CMSS1: variants seen among roughly 807,000 people sequenced by gnomAD.
CMSS1 encodes protein CMSS1.
Under a neutral mutation model 43.5 loss-of-function variants are expected in CMSS1, and 33 were observed. The observed-to-expected ratio is 0.76, with a 90% confidence interval of 0.57 to 1.01. CMSS1 has a LOEUF of 1.01. Among genes scored for constraint, CMSS1 ranks in the 50% least tolerant of loss-of-function variants. The pLI, the probability that CMSS1 is intolerant of heterozygous loss-of-function variation, is 0.00. For missense variants in CMSS1, 313 were observed against 326.4 expected, an observed-to-expected ratio of 0.96 and a Z score of 0.32; for synonymous variants, 115 against 117.2, an observed-to-expected ratio of 0.98 and a Z score of 0.12.
intron 1 of CMSS1, among the ~76,000 whole-genome samples, chr3:99,891,678 C>T (rs1706087389): frequency 6.6e-6 from 1 of 152,090 alleles, no homozygotes. Flanking sequence ...TACCGAAAAT[C>T]AGCCTGAAAA....
In CMSS1 at chr3:99,908,128, A is replaced by G. The variant is rs80037618; in HGVS notation, c.64+90085A>G. Among the ~76,000 whole-genome samples the G allele has an allele frequency of 1.3e-4, 20 of 152,372 alleles. 1 individual carries two copies. The East Asian group carries it at 3.7e-3, about 28-fold the overall frequency. On this transcript the variant is annotated intron_variant, in intron 1 of 9. Transcript: ENST00000421999. ...TCTAACTCGGCAGTTCTGAATCAGC[A>G]GAATTTCTGTGCTGTATCACTTTCA...
chr3:100,088,766 G>A (rs1576042596), intron 1 of CMSS1, among the ~76,000 whole-genome samples: 1 of 150,958 alleles, frequency 6.6e-6, no homozygotes, highest in African/African-American at 2.4e-5. Flanking sequence ...TCATATTTTT[G>A]TCTCTCTTCT....
intron 1 of CMSS1, among the ~76,000 whole-genome samples, chr3:100,038,438 G>A (rs958810242): frequency 6.6e-6 from 1 of 151,878 alleles, no homozygotes; most frequent in African/African-American, 2.4e-5. Flanking sequence ...CCATTTTTTT[G>A]CTTATAGAGA....
intron 1 of CMSS1, among the ~76,000 whole-genome samples, chr3:99,827,487 C>A (rs915603238): frequency 2.0e-5 from 3 of 151,330 alleles, no homozygotes; most frequent in Non-Finnish European, 3.0e-5. Context: ...TCACCGCACC[C>A]GGCAAATGTA....
chr3:100,001,315 C>T (rs1041201868), intron 1 of CMSS1, among the ~76,000 whole-genome samples: 4 of 152,174 alleles, frequency 2.6e-5, no homozygotes, highest in South Asian at 4.1e-4. Context: ...TATTATCTAT[C>T]GCTGTTTCTG....
chr3:100,117,854 C>CATATATATATATATATATATATATACAT (rs2066587711), intron 1 of CMSS1, among the ~76,000 whole-genome samples: 3 of 90,746 alleles, frequency 3.3e-5, no homozygotes, highest in African/African-American at 4.9e-5. Flanking sequence ...TATATATATA[C>CATATATATATATATATATATATATACAT]ATATATATAT....
chr3:99,958,602 C>T (rs534804811), intron 1 of CMSS1, among the ~76,000 whole-genome samples: 8 of 152,114 alleles, frequency 5.3e-5, no homozygotes, highest in Admixed American at 1.3e-4. Flanking sequence ...AATTAGACAA[C>T]ATTTCAGAAT....
intron 1 of CMSS1, among the ~76,000 whole-genome samples, chr3:99,855,454 C>T (rs1943915506): frequency 6.6e-6 from 1 of 152,306 alleles, no homozygotes; most frequent in South Asian, 2.1e-4. Context: ...TGAGTCTGTA[C>T]ATCTGTCGGT....
intron 1 of CMSS1, among the ~76,000 whole-genome samples, chr3:100,010,794 T>G (rs953551420): frequency 6.8e-6 from 1 of 146,350 alleles, no homozygotes; most frequent in Non-Finnish European, 1.5e-5. Context: ...TTTTTTTTTT[T>G]TTTTTGTATT....
intron 1 of CMSS1, among the ~76,000 whole-genome samples, chr3:99,862,721 G>A (rs544613571): frequency 6.6e-6 from 1 of 152,306 alleles, no homozygotes; most frequent in East Asian, 1.9e-4. Context: ...TTTTTGGGTA[G>A]ACTGTTAGAT....
At chr3:100,085,211 C>G (rs2065989234) in intron 1 of CMSS1, among the ~76,000 whole-genome samples, 1 of 152,144 alleles carries the variant, frequency 6.6e-6, no homozygotes, top group Non-Finnish European at 1.5e-5. Flanking sequence ...ACCGTACAAC[C>G]AACCTGAAGT....
At chr3:99,914,106 A>G (rs1021459511) in intron 1 of CMSS1, among the ~76,000 whole-genome samples, 4 of 152,200 alleles carry the variant, frequency 2.6e-5, no homozygotes, top group African/African-American at 9.6e-5. Context: ...AGATCCCACT[A>G]TTTTCAACAA....
intron 1 of CMSS1, among the ~76,000 whole-genome samples, chr3:99,908,294 T>C (rs1367130582): frequency 6.6e-6 from 1 of 152,250 alleles, no homozygotes; most frequent in Non-Finnish European, 1.5e-5. Context: ...AAAGAGATGC[T>C]ATTTTCTATT....
At chr3:99,840,685 G>A (rs978687340) in intron 1 of CMSS1, among the ~76,000 whole-genome samples, 2 of 152,182 alleles carry the variant, frequency 1.3e-5, no homozygotes, top group African/African-American at 2.4e-5. Context: ...GATTTAAGGA[G>A]GGTGGCAAGA....
intron 1 of CMSS1, among the ~76,000 whole-genome samples, chr3:100,014,895 C>CTTTTTTT (rs1233573719): frequency 4.4e-4 from 11 of 25,000 alleles, no homozygotes; most frequent in Admixed American, 5.7e-4. Flanking sequence ...TTCTTTCTTT[C>CTTTTTTT]TTTTTTTTTT....
chr3:100,096,632 G>A (rs1282685520), intron 1 of CMSS1, among the ~76,000 whole-genome samples: 2 of 151,052 alleles, frequency 1.3e-5, no homozygotes, highest in African/African-American at 4.8e-5. Context: ...GTAGGGGGTG[G>A]GGAGGAGATG....
At chr3:99,829,822 G>A (rs1014226391) in intron 1 of CMSS1, among the ~76,000 whole-genome samples, 1 of 152,124 alleles carries the variant, frequency 6.6e-6, no homozygotes. Flanking sequence ...TGATTGTCAG[G>A]TATTCTGCAC....
At chr3:100,022,623 A>C (rs566811696) in intron 1 of CMSS1, among the ~76,000 whole-genome samples, 1 of 152,350 alleles carries the variant, frequency 6.6e-6, no homozygotes, top group Admixed American at 6.5e-5. Flanking sequence ...AGGGATACCC[A>C]GAAACTGGCC....
At chr3:100,130,069 T>C (rs2066694046) in intron 1 of CMSS1, among the ~76,000 whole-genome samples, 1 of 152,196 alleles carries the variant, frequency 6.6e-6, no homozygotes, top group Non-Finnish European at 1.5e-5. Flanking sequence ...TCACATTTTC[T>C]TTAAGCAAAT....
Sources: gnomAD v4.1 joint callset for allele counts (sites outside exome capture counted in the v4.1 genomes callset) on GRCh38, gnomAD v4.1.1 for gene constraint, MANE v1.5 for transcripts, NCBI Gene and HGNC (gene_info 2026-07-23, HGNC 2026-07-21) for gene names.